Variants in TPST1 observed in about 807,000 individuals in gnomAD.
TPST1 encodes the protein tyrosylprotein sulfotransferase 1.
TPST1 carries 20 observed loss-of-function variants against 34.8 expected under a neutral mutation model. That is an observed-to-expected ratio of 0.57 (90% CI 0.40 to 0.84). TPST1 has a LOEUF of 0.84. TPST1 is among the 40% of genes least tolerant of loss of function. TPST1 has a pLI of 0.00. For missense variants in TPST1, 353 were observed against 455.5 expected (o/e 0.78, Z 2.05); for synonymous variants, 152 against 159.4 (o/e 0.95, Z 0.35).
rs560032210 is a variant in TPST1 at position 66,220,087 on chromosome 7, T to A, written c.-102+14565T>A. On this transcript the variant is annotated intron_variant, in intron 1 of 5. Transcript: ENST00000304842. Reference sequence around the variant, plus strand: ...TGAACTCTGTATTTTTAGTTTTTTTTAAATGTAGTCAAACCATATTATAAC... The same window carrying A: ...TGAACTCTGTATTTTTAGTTTTTTTAAAATGTAGTCAAACCATATTATAAC... Among the ~76,000 whole-genome samples, 55 of 152,300 alleles carry A rather than the reference T, an allele frequency of 3.6e-4. 1 individual carries two copies. In the South Asian group the frequency reaches 0.011, roughly 32 times the overall value.
At chr7:66,241,553 C>T (rs1373030292) in intron 2 of TPST1, among the ~76,000 whole-genome samples, 3 of 152,078 alleles carry the variant, frequency 2.0e-5, no homozygotes, top group Admixed American at 1.3e-4. Flanking sequence ...ACCTTACAGG[C>T]GGTGAAAAGC....
At chr7:66,236,263 A>G (rs140229793) in intron 1 of TPST1, among the ~76,000 whole-genome samples, 4 of 152,292 alleles carry the variant, frequency 2.6e-5, no homozygotes, top group African/African-American at 7.2e-5. Flanking sequence ...TTGTACAACT[A>G]TGACAACAGT....
chr7:66,327,865 A>G (rs539594796), intron 3 of TPST1, among the ~76,000 whole-genome samples: 2 of 152,152 alleles, frequency 1.3e-5, no homozygotes, highest in South Asian at 2.1e-4. Context: ...GAGATGGTCT[A>G]AAGATCTATT....
intron 2 of TPST1, among the ~76,000 whole-genome samples, chr7:66,277,620 C>T (rs562370252): frequency 2.0e-5 from 3 of 152,110 alleles, no homozygotes; most frequent in South Asian, 2.1e-4. Flanking sequence ...CAAATCATCC[C>T]CTAAATCTAT....
At chr7:66,323,261 C>T (rs761370752) in intron 3 of TPST1, among the ~76,000 whole-genome samples, 5 of 152,256 alleles carry the variant, frequency 3.3e-5, no homozygotes, top group Middle Eastern at 3.4e-3. Flanking sequence ...AGGCTGGTCT[C>T]GGACTCCTGA....
At position 66,240,270 on chromosome 7, in the gene TPST1, T is replaced by G. The variant is rs1790000793; in HGVS notation, c.-101-55T>G. 3.3e-6 allele frequency: 3 copies of G among 906,908 alleles called. No homozygotes were observed. The Admixed American group carries it at 8.8e-5, about 27-fold the overall frequency. 56.2% of individuals were successfully genotyped at this position (906,908 alleles called of 1,614,324 possible). ...AAATGCAGTGGTGATAACTGGTGAC[T>G]GATTTGTAAGCAATCTCAATGTAAT... is the stretch of plus-strand genomic sequence containing the variant. On this transcript the variant is annotated intron_variant, in intron 1 of 5. Transcript: ENST00000304842.
chr7:66,254,996 A>G (rs988403406), intron 2 of TPST1, among the ~76,000 whole-genome samples: 9 of 151,506 alleles, frequency 5.9e-5, no homozygotes, highest in Non-Finnish European at 1.3e-4. Context: ...AAATACAAAA[A>G]ATTAGCCGGG....
intron 2 of TPST1, among the ~76,000 whole-genome samples, chr7:66,252,430 A>G (rs545027894): frequency 7.3e-6 from 1 of 137,394 alleles, no homozygotes; most frequent in Non-Finnish European, 1.5e-5. Context: ...ATCTCTGCCC[A>G]CTGCAAGCTC....
upstream of TPST1, among the ~76,000 whole-genome samples, chr7:66,201,994 A>G (rs928345110): frequency 7.2e-5 from 11 of 152,172 alleles, no homozygotes; most frequent in African/African-American, 2.7e-4. Context: ...CAGAGACAAC[A>G]CTGTTACCAA....
intron 2 of TPST1, among the ~76,000 whole-genome samples, chr7:66,281,314 T>C (rs1010230071): frequency 1.3e-5 from 2 of 152,176 alleles, no homozygotes; most frequent in African/African-American, 4.8e-5. Context: ...CTCTGATAGG[T>C]TTTGGTGTCA....
In TPST1 at chr7:66,252,808, A is replaced by G. The variant is rs1331593986; in HGVS notation, c.845+11538A>G. 2.0e-5 allele frequency among the ~76,000 whole-genome samples: 3 copies of G among 152,198 alleles called. No individual in the cohort carries two copies. In the East Asian group the frequency reaches 5.8e-4, roughly 29 times the overall value. The stretch of plus-strand genomic sequence containing the variant: ...ATTCTTCCATACTCTGAGGTCATAA[A>G]AATAGTTTCCCATGTTTTTTCCAAA... On this transcript the variant is annotated intron_variant, in intron 2 of 5. Coordinates refer to ENST00000304842, the MANE Select transcript of TPST1 (RefSeq NM_003596.4).
At chr7:66,328,904 ATATTTT>A (rs1791936738) in intron 3 of TPST1, among the ~76,000 whole-genome samples, 5 of 25,992 alleles carry the variant, frequency 1.9e-4, no homozygotes, top group East Asian at 1.0e-3. Context: ...ATATATATAT[ATATTTT>A]TTTTTTTTTT....
intron 1 of TPST1, among the ~76,000 whole-genome samples, chr7:66,226,633 G>A (rs2116319971): frequency 6.6e-6 from 1 of 152,242 alleles, no homozygotes; most frequent in Admixed American, 6.5e-5. Context: ...AAGGGCTATG[G>A]AACATACTCT....
chr7:66,200,583 C>G (rs1789024822), upstream of TPST1, among the ~76,000 whole-genome samples: 1 of 151,690 alleles, frequency 6.6e-6, no homozygotes, highest in African/African-American at 2.4e-5. Context: ...GCACACCCGG[C>G]TAATTTTTTT....
intron 2 of TPST1, among the ~76,000 whole-genome samples, chr7:66,258,199 A>T (rs1790417158): frequency 6.6e-6 from 1 of 151,764 alleles, no homozygotes; most frequent in South Asian, 2.1e-4. Flanking sequence ...TTTTCCCTCA[A>T]TTTTGGATCA....
intron 3 of TPST1, among the ~76,000 whole-genome samples, chr7:66,324,264 A>G (rs1791816449): frequency 2.0e-5 from 3 of 152,140 alleles, no homozygotes; most frequent in Admixed American, 2.0e-4. Flanking sequence ...TCATTCCTGT[A>G]AAGTTCAGAG....
intron 2 of TPST1, among the ~76,000 whole-genome samples, chr7:66,274,822 A>G (rs993162878): frequency 1.3e-5 from 2 of 152,240 alleles, no homozygotes; most frequent in African/African-American, 4.8e-5. Context: ...TTATATGAAA[A>G]AAATGCTTAG....
intron 3 of TPST1, among the ~76,000 whole-genome samples, chr7:66,297,185 T>C (rs749343093): frequency 3.3e-5 from 5 of 152,184 alleles, no homozygotes; most frequent in Non-Finnish European, 7.3e-5. Context: ...TCATAGGGCT[T>C]TCATTACAGC....
chr7:66,219,385 T>A (rs1393581199), intron 1 of TPST1, among the ~76,000 whole-genome samples: 1 of 152,198 alleles, frequency 6.6e-6, no homozygotes, highest in Non-Finnish European at 1.5e-5. Flanking sequence ...AAGGTAGAGC[T>A]ATTTGCCAGG....
Sources: allele counts gnomAD v4.1 joint callset (sites outside exome capture counted in the v4.1 genomes callset), GRCh38; gene constraint gnomAD v4.1.1; transcripts MANE v1.5; gene names NCBI Gene and HGNC (gene_info 2026-07-23, HGNC 2026-07-21).